CAMTA1: variants seen among roughly 807,000 people sequenced by gnomAD.
The protein encoded by CAMTA1 is calmodulin-binding transcription activator 1.
CAMTA1 carries 27 observed loss-of-function variants against 170.9 expected under a neutral mutation model. The ratio of observed to expected loss-of-function variants is 0.16; its 90% CI spans 0.12 to 0.22. CAMTA1 has a LOEUF of 0.22. CAMTA1 is among the 10% of genes least tolerant of loss of function. CAMTA1 has a pLI of 1.00. For synonymous variants in CAMTA1, 833 were observed against 891.5 expected (o/e 0.93, Z 1.17); for missense variants, 1,619 against 2,217.2 (o/e 0.73, Z 5.42).
At chr1:6,832,279 T>C (rs1650605546) in intron 3 of CAMTA1, among the ~76,000 whole-genome samples, 1 of 152,104 alleles carries the variant, frequency 6.6e-6, no homozygotes, top group Non-Finnish European at 1.5e-5. Flanking sequence ...GGTTTCACCA[T>C]GTTGCCAAGG....
At chr1:6,811,426 T>A (rs1239922213) in intron 1 of CAMTA1, among the ~76,000 whole-genome samples, 1 of 152,228 alleles carries the variant, frequency 6.6e-6, no homozygotes. Flanking sequence ...GTAGAGAGTT[T>A]ACTTTTATGA....
intron 1 of CAMTA1, among the ~76,000 whole-genome samples, chr1:6,808,501 G>A (rs1644788800): frequency 6.6e-6 from 1 of 152,170 alleles, no homozygotes; most frequent in African/African-American, 2.4e-5. Context: ...CTGTGTTTCA[G>A]CTTAAATGAA....
At chr1:7,060,066 T>G (rs1024815156) in intron 3 of CAMTA1, among the ~76,000 whole-genome samples, 22 of 152,160 alleles carry the variant, frequency 1.4e-4, no homozygotes, top group African/African-American at 5.3e-4. Context: ...GTGCATAACC[T>G]ACAGGCCTGT....
chr1:6,905,848 C>T (rs1375419541), intron 3 of CAMTA1, among the ~76,000 whole-genome samples: 1 of 152,194 alleles, frequency 6.6e-6, no homozygotes, highest in Non-Finnish European at 1.5e-5. Flanking sequence ...GTGCTCGGTG[C>T]AGGGTTGCCA....
At chr1:7,380,671 T>G (rs535517424) in intron 5 of CAMTA1, among the ~76,000 whole-genome samples, 4 of 152,352 alleles carry the variant, frequency 2.6e-5, no homozygotes, top group Admixed American at 6.5e-5. Context: ...CAGGTCTTAG[T>G]AAGAATGTGG....
intron 4 of CAMTA1, among the ~76,000 whole-genome samples, chr1:7,218,362 A>G (rs1660123743): frequency 6.6e-6 from 1 of 152,170 alleles, no homozygotes; most frequent in Admixed American, 6.6e-5. Flanking sequence ...AGTCTTCTAC[A>G]GATGAAGACC....
intron 2 of CAMTA1, among the ~76,000 whole-genome samples, chr1:6,820,922 C>T (rs1267650038): frequency 6.6e-6 from 1 of 152,214 alleles, no homozygotes; most frequent in South Asian, 2.1e-4. Flanking sequence ...GCTGTGCCCT[C>T]ACTTTATCTG....
At chr1:7,539,051 G>C (rs150929296) in intron 6 of CAMTA1, among the ~76,000 whole-genome samples, 1 of 152,224 alleles carries the variant, frequency 6.6e-6, no homozygotes, top group East Asian at 1.9e-4. Flanking sequence ...GATGCAAACA[G>C]CCTGCCACCC....
rs567508275 is a variant in CAMTA1 at position 7,584,906 on chromosome 1, C to G, written c.511-55494C>G. 1.6e-3 allele frequency among the ~76,000 whole-genome samples: 241 copies of G among 152,246 alleles called. 2 individuals are homozygous for G. Among genetic ancestry groups the G allele is most frequent in the Non-Finnish European group, 2.9e-3 (197 of 68,026 alleles). ...AGCCCCCACGGTGGAGTTATCCGGC[C>G]TACGACGCCAGTACTCGTGCCGAGG... On this transcript the variant is annotated intron_variant, in intron 6 of 22. Coordinates refer to ENST00000303635, the MANE Select transcript of CAMTA1 (RefSeq NM_015215.4).
chr1:7,374,987 G>C (rs2086735209), intron 5 of CAMTA1, among the ~76,000 whole-genome samples: 1 of 152,124 alleles, frequency 6.6e-6, no homozygotes, highest in Non-Finnish European at 1.5e-5. Flanking sequence ...AGTGGGGCTG[G>C]GTCCTGTTAA....
intron 5 of CAMTA1, among the ~76,000 whole-genome samples, chr1:7,368,257 T>C (rs1173375263): frequency 0.022 from 1,193 of 53,062 alleles, no homozygotes; most frequent in Middle Eastern, 0.077. Flanking sequence ...TCATTGGGTG[T>C]ATGCCCTGGG....
intron 5 of CAMTA1, among the ~76,000 whole-genome samples, chr1:7,369,754 G>A (rs1373680153): frequency 1.3e-5 from 2 of 152,128 alleles, no homozygotes; most frequent in Non-Finnish European, 2.9e-5. Context: ...GACAAGCTGA[G>A]GTCATGGGAC....
At chr1:6,828,549 C>T (rs1648231588) in intron 3 of CAMTA1, among the ~76,000 whole-genome samples, 1 of 152,044 alleles carries the variant, frequency 6.6e-6, no homozygotes. Flanking sequence ...CTCAGCCTCC[C>T]AAAGTGCTGG....
chr1:7,378,779 C>T (rs923326349), intron 5 of CAMTA1, among the ~76,000 whole-genome samples: 18 of 152,000 alleles, frequency 1.2e-4, no homozygotes, highest in African/African-American at 4.1e-4. Context: ...AAAAAAAAAT[C>T]GGAGACCGAG....
intron 3 of CAMTA1, among the ~76,000 whole-genome samples, chr1:7,005,077 G>A (rs1024404578): frequency 6.6e-6 from 1 of 152,198 alleles, no homozygotes; most frequent in African/African-American, 2.4e-5. Flanking sequence ...CGGCCTCAAA[G>A]TTTTTTAGTT....
intron 16 of CAMTA1, among the ~76,000 whole-genome samples, chr1:7,740,113 C>T (rs1001946221): frequency 6.6e-6 from 1 of 152,096 alleles, no homozygotes; most frequent in African/African-American, 2.4e-5. Flanking sequence ...TTGGTGGGGA[C>T]ACAGCCAAAC....
chr1:7,510,159 C>G (rs1299326597), intron 6 of CAMTA1, among the ~76,000 whole-genome samples: 2 of 136,002 alleles, frequency 1.5e-5, no homozygotes, highest in Non-Finnish European at 3.3e-5. Context: ...AGATAACACT[C>G]CCCGTTTTCA....
At chr1:7,163,522 C>T (rs1437997843) in intron 4 of CAMTA1, among the ~76,000 whole-genome samples, 1 of 152,098 alleles carries the variant, frequency 6.6e-6, no homozygotes, top group East Asian at 1.9e-4. Context: ...GCACCGGCTT[C>T]CAGGGAACTG....
intron 5 of CAMTA1, among the ~76,000 whole-genome samples, chr1:7,356,123 A>G (rs2085093554): frequency 6.6e-6 from 1 of 152,226 alleles, no homozygotes; most frequent in African/African-American, 2.4e-5. Flanking sequence ...GGAGGGAGGC[A>G]TGGAAGCCCG....
Sources: gnomAD v4.1 joint callset for allele counts (sites outside exome capture counted in the v4.1 genomes callset) on GRCh38, gnomAD v4.1.1 for gene constraint, MANE v1.5 for transcripts, NCBI Gene and HGNC (gene_info 2026-07-23, HGNC 2026-07-21) for gene names.